The following PHF23 variants were observed in gnomAD, a reference collection of about 807,000 sequenced individuals.
The protein encoded by PHF23 is PHD finger protein 23.
In PHF23, 3 loss-of-function variants were observed where a neutral mutation model predicts 36.0. The ratio of observed to expected loss-of-function variants is 0.08; its 90% confidence interval spans 0.04 to 0.22. The LOEUF (loss-of-function observed/expected upper bound fraction) is 0.22. Ranked by LOEUF, PHF23 falls within the 10% of genes least tolerant of loss-of-function variation. PHF23 has a pLI of 1.00. For synonymous variants in PHF23, 242 were observed against 192.5 expected (o/e 1.26, Z -2.13); for missense variants, 475 against 513.6 (o/e 0.92, Z 0.73).
upstream of PHF23, chr17:7,240,260 G>A (rs565986628): frequency 6.6e-6 from 1 of 152,232 alleles, no homozygotes; most frequent in South Asian, 2.0e-4. Context: ...TCTTTTTGCA[G>A]ACAGGGAAAA....
At chr17:7,238,682 G>T in intron 1 of PHF23, 2 of 775,690 alleles carry the variant, frequency 2.6e-6, no homozygotes, top group Non-Finnish European at 1.5e-6. Flanking sequence ...TACCCAGCTC[G>T]CCTCGCTTCC....
At chr17:7,239,223 C>T in intron 1 of PHF23, 23 bp downstream of exon 1, 1 of 1,504,450 alleles carries the variant, frequency 6.6e-7, no homozygotes, top group South Asian at 1.2e-5. Flanking sequence ...CGGCTCAGCG[C>T]TCTGCACCGG....
chr17:7,235,505 T>C lies in PHF23; in HGVS notation c.*121A>G. On this transcript the variant is annotated 3_prime_UTR_variant, in exon 5 of 5. Transcript: ENST00000320316. The stretch of plus-strand genomic sequence containing the variant: ...ACACTCATTTTCAAACAAGTCTCCC[T>C]TGAGAATTCCTGCCTTGAAGTGCAG... 3.9e-6 allele frequency: 4 copies of C among 1,017,384 alleles called. No individual in the cohort carries two copies. The highest frequency in any genetic ancestry group is 5.9e-6 in the Non-Finnish European group (4 of 677,174). The allele number at this position is 1,017,384 out of a possible 1,614,324, so 63.0% of individuals were successfully genotyped here. A position where few individuals can be genotyped will look rare whatever the true frequency, so the allele number is the denominator to read the frequency against.
At chr17:7,240,644 AG>A, upstream of PHF23, 1 of 539,246 alleles carries the variant, frequency 1.9e-6, no homozygotes, top group Non-Finnish European at 3.3e-6. Flanking sequence ...GGGCAGAGAA[AG>A]GGGAAGAAAG....
At position 7,235,385 on chromosome 17, in the gene PHF23, A is replaced by C; in HGVS notation, c.*241T>G. ...GTGGCAGGTCCAAGAGACAGAGATT[A>C]TGTGTCGGGACACAGACAGCCTCCC... On this transcript the variant is annotated 3_prime_UTR_variant, in exon 5 of 5. Transcript: ENST00000320316. 1.2e-4 allele frequency: 67 copies of C among 538,416 alleles called. No homozygotes were observed. Among genetic ancestry groups the C allele is most frequent in the Admixed American group, 2.8e-4 (9 of 31,852 alleles). The allele number at this position is 538,416 out of a possible 1,614,324, so 33.4% of individuals were successfully genotyped here.
chr17:7,236,201 G>A lies in PHF23; in HGVS notation c.726C>T (p.Pro242=), dbSNP rs767963688. The change falls in exon 4 of 5, where the codon CCC becomes CCT. Residue 242 remains proline (P), a synonymous_variant. Coordinates refer to ENST00000320316, the MANE Select transcript of PHF23 (RefSeq NM_024297.3). The surrounding 1 kb of genome is among the most constrained non-coding windows in gnomAD (Gnocchi z 5.1). ...LPPPGPPQAP[P]SDTDSEEEEE... ...CCTCCTCTTCAGAGTCTGTATCACT[G>A]GGGGGTGCCTGGGGAGGCCCAGGAG... is the stretch of plus-strand genomic sequence containing the variant. 5.6e-6 allele frequency: 9 copies of A among 1,612,064 alleles called. No individual in the cohort carries two copies. The South Asian group carries it at 7.7e-5, about 14-fold the overall frequency.
chr17:7,239,106 CTCTCCCACCTCCA>C (rs1567583762), intron 1 of PHF23, 127 bp downstream of exon 1: 3 of 1,037,528 alleles, frequency 2.9e-6, no homozygotes, highest in Non-Finnish European at 1.4e-6. Context: ...CAACTCGTCG[CTCTCCCACCTCCA>C]GGGCCAGCCT....
chr17:7,240,675 A>T (rs17710), upstream of PHF23: 74,136 of 579,132 alleles, frequency 0.13, 5,701 homozygotes, highest in South Asian at 0.21. Flanking sequence ...GAGTTACAAG[A>T]TGCCAACTCC....
intron 1 of PHF23, chr17:7,237,945 A>G (rs2071708333): frequency 2.4e-6 from 1 of 411,198 alleles, no homozygotes; most frequent in East Asian, 4.5e-5. Context: ...ACTCCAGTCT[A>G]CTCGGATCCC....
At position 7,236,152 on chromosome 17, in the gene PHF23, C is replaced by T. The variant is rs1447508541; in HGVS notation, c.775G>A (p.Glu259Lys). Residue 259 changes from glutamate to lysine, a missense_variant, in exon 4 of 5, where the codon GAA becomes AAA. Physicochemically the swap from Glu to Lys is moderately conservative, Grantham distance 56 (BLOSUM62 1). Transcript: ENST00000320316. The surrounding 1 kb of genome is among the most constrained non-coding windows in gnomAD (Gnocchi z 5.1). ...CCTACCACTGTTGCCATCTCTTCTT[C>T]TTCTTCCTCTTCCTCCTCTTCCTCC... ...EEEEEEEEEE[E>K]EEMATVVGGE... The T allele has an allele frequency of 6.8e-6, 11 of 1,610,220 alleles. No individual in the cohort carries two copies. Among genetic ancestry groups the T allele is most frequent in the Middle Eastern group, 1.7e-4 (1 of 6,056 alleles).
chr17:7,239,282 C>A lies in PHF23; in HGVS notation c.-3G>T. On this transcript the variant is annotated 5_prime_UTR_variant, in exon 1 of 5. Transcript: ENST00000320316. ...GGCTCCGCCATGGCTTCCAGCATCG[C>A]CCCCTCCCCTCCTCCCGGTCCGGCG... 2 of 1,477,236 alleles carry A rather than the reference C, an allele frequency of 1.4e-6. No individual in the cohort carries two copies. Among genetic ancestry groups the A allele is most frequent in the Non-Finnish European group, 1.9e-6 (2 of 1,067,886 alleles). The allele number at this position is 1,477,236 out of a possible 1,614,324, so 91.5% of individuals were successfully genotyped here.
At position 7,236,434 on chromosome 17, in the gene PHF23, T is replaced by C. The variant is rs2071670707; in HGVS notation, c.493A>G (p.Thr165Ala). 2 of 1,611,818 alleles carry C rather than the reference T, an allele frequency of 1.2e-6. No homozygotes were observed. Among genetic ancestry groups the C allele is most frequent in the East Asian group, 2.2e-5 (1 of 44,788 alleles). ...THTSRPPAAL[T>A]PVPLSQGDLS... ...TCCCCCTGGGAAAGGGGCACGGGGG[T>C]AAGAGCAGCAGGGGGCCGGGAGGTA... The change falls in exon 4 of 5, where the codon ACC becomes GCC. Residue 165 changes from threonine (T) to alanine (A), a missense_variant. By Grantham distance (58) the Thr-to-Ala change is moderately conservative (BLOSUM62 0). Transcript: ENST00000320316. This position sits in a 1 kb window ranked among gnomAD's most constrained non-coding sequence, Gnocchi z 5.1.
At chr17:7,235,868 T>G (rs1308907467) in intron 4 of PHF23, 28 bp from the exon 5 acceptor site, 1 of 1,614,032 alleles carries the variant, frequency 6.2e-7, no homozygotes, top group Admixed American at 1.7e-5. Context: ...TGTTTGGTAT[T>G]CTGCCTGAGC....
chr17:7,236,248 C>T lies in PHF23; in HGVS notation c.679G>A (p.Glu227Lys). ...GGAGGTGGGAGTCTATCCCCCCGTT[C>T]TGCCTTTTTTAACTTCCGCTTCTTG... ...KSKKRKLKKA[E>K]RGDRLPPPGP... is the part of the protein sequence containing the mutation. Residue 227 changes from glutamate to lysine, a missense_variant, in exon 4 of 5, where the codon GAA (glutamate) becomes AAA (lysine). Glu to Lys is a moderately conservative substitution (Grantham distance 56, BLOSUM62 1). This residue lies in a region of PHF23 where 350 missense variants were observed against 319.8 expected (regional missense o/e 1.09). Transcript: ENST00000320316. The surrounding 1 kb of genome is among the most constrained non-coding windows in gnomAD (Gnocchi z 5.1). 1.2e-6 allele frequency: 2 copies of T among 1,613,566 alleles called. No individual in the cohort carries two copies. The highest frequency in any genetic ancestry group is 8.5e-7 in the Non-Finnish European group (1 of 1,179,676).
At chr17:7,237,129 C>T (rs1031107403) in intron 3 of PHF23, among the ~76,000 whole-genome samples, 3 of 152,154 alleles carry the variant, frequency 2.0e-5, no homozygotes, top group African/African-American at 7.2e-5. Context: ...TTCACAGCAC[C>T]TCAAGACTAT....
At position 7,236,525 on chromosome 17, in the gene PHF23, C is replaced by G; in HGVS notation, c.402G>C (p.Lys134Asn). 1 of 1,614,152 alleles carries G rather than the reference C, an allele frequency of 6.2e-7. No homozygotes were observed. The highest frequency in any genetic ancestry group is 8.5e-7 in the Non-Finnish European group (1 of 1,180,026). The change falls in exon 4 of 5, where the codon AAG (lysine) becomes AAC (asparagine). Residue 134 changes from lysine (K) to asparagine (N), a missense_variant. Around this residue, in one of 5 missense-constraint regions of PHF23, gnomAD observed 350 missense variants for 319.8 expected, o/e 1.09. Transcript: ENST00000320316. The surrounding 1 kb of genome is among the most constrained non-coding windows in gnomAD (Gnocchi z 5.1). The stretch of plus-strand genomic sequence containing the variant: ...GCCCATCCAGATCAAAGAGAGAGTC[C>G]TTGAGCTTCATCTTCTCAAGCAAGG... ...SATLLEKMKL[K>N]DSLFDLDGPK...
upstream of PHF23, chr17:7,239,506 T>G: frequency 1.6e-5 from 6 of 375,068 alleles, no homozygotes; most frequent in Non-Finnish European, 2.0e-5. Flanking sequence ...TGCTCCCTCC[T>G]CCTCCTCCTC....
At position 7,239,254 on chromosome 17, in the gene PHF23, C is replaced by T; in HGVS notation, c.26G>A (p.Ser9Asn). Residue 9 changes from serine to asparagine, a missense_variant, in exon 1 of 5, where the codon AGT becomes AAT. Physicochemically the swap from Ser to Asn is conservative, Grantham distance 46. Coordinates refer to ENST00000320316, the MANE Select transcript of PHF23 (RefSeq NM_024297.3). MLEAMAEP[S>N]PEDPPPTLKP... ...ACCGGTCGAGAGCTCACCTTCGGGA[C>T]TGGGCTCCGCCATGGCTTCCAGCAT... 6.5e-7 allele frequency: 1 copy of T among 1,549,898 alleles called. No homozygotes were observed. Among genetic ancestry groups the T allele is most frequent in the Non-Finnish European group, 8.8e-7 (1 of 1,132,240 alleles).
intron 1 of PHF23, chr17:7,238,941 A>G: frequency 6.6e-7 from 1 of 1,507,392 alleles, no homozygotes; most frequent in Admixed American, 2.1e-5. Context: ...GGATTCCCCT[A>G]ACCTTCCAGT....
Sources: allele counts gnomAD v4.1 joint callset (sites outside exome capture counted in the v4.1 genomes callset), GRCh38; gene constraint gnomAD v4.1.1; regional missense constraint gnomAD v4.1.1; non-coding constraint Gnocchi (gnomAD v3.1); transcripts MANE v1.5; gene names NCBI Gene and HGNC (gene_info 2026-07-23, HGNC 2026-07-21).